Variants in ARHGEF33 observed in about 807,000 individuals in gnomAD.
ARHGEF33 encodes Rho guanine nucleotide exchange factor 33, also known as DH and coiled-coil domain-containing protein ENSP00000381780.
In ARHGEF33, 72 loss-of-function variants were observed where a neutral mutation model predicts 101.9. That is an observed-to-expected ratio of 0.71 (90% confidence interval 0.58 to 0.86). The LOEUF (loss-of-function observed/expected upper bound fraction) is 0.86. Among genes scored for constraint, ARHGEF33 ranks in the 40% least tolerant of loss-of-function variants. The pLI is 0.00. For synonymous variants in ARHGEF33, 499 were observed against 442.5 expected (o/e 1.13, Z -1.60); for missense variants, 1,169 against 1,111.3 (o/e 1.05, Z -0.74).
intron 2 of ARHGEF33, among the ~76,000 whole-genome samples, chr2:38,918,275 T>G (rs1414954491): frequency 2.0e-5 from 3 of 152,230 alleles, no homozygotes; most frequent in Admixed American, 6.5e-5. Flanking sequence ...CACTGCTGTC[T>G]TAGAAGGTAG....
At chr2:38,907,936 G>A (rs1666427910) in intron 2 of ARHGEF33, among the ~76,000 whole-genome samples, 3 of 149,122 alleles carry the variant, frequency 2.0e-5, no homozygotes, top group African/African-American at 5.0e-5. Context: ...ATGACTCACT[G>A]CAGCCTTGAC....
chr2:38,941,967 G>A (rs1667320805), intron 9 of ARHGEF33, among the ~76,000 whole-genome samples: 1 of 150,888 alleles, frequency 6.6e-6, no homozygotes, highest in Non-Finnish European at 1.5e-5. Context: ...ATTTTGCTGG[G>A]CACAAGGGTC....
chr2:38,902,134 GAAAAAAA>G (rs1156887244), intron 2 of ARHGEF33, among the ~76,000 whole-genome samples: 130 of 58,480 alleles, frequency 2.2e-3, no homozygotes, highest in African/African-American at 7.5e-3. Context: ...TCCATCTCAA[GAAAAAAA>G]AAAAAAAAAA....
intron 2 of ARHGEF33, among the ~76,000 whole-genome samples, chr2:38,917,280 C>T (rs1572746444): frequency 1.3e-5 from 2 of 151,428 alleles, no homozygotes; most frequent in South Asian, 2.1e-4. Flanking sequence ...TTAGTAAAGA[C>T]GGGGTTTCAC....
rs1328879625 is a variant in ARHGEF33, at chr2:38,960,402, C to A, written c.2097C>A (p.His699Gln). 6.6e-7 allele frequency: 1 copy of A among 1,511,024 alleles called. No homozygotes were observed. Among genetic ancestry groups the A allele is most frequent in the East Asian group, 2.5e-5 (1 of 40,066 alleles). The allele number at this position is 1,511,024 out of a possible 1,614,324, so 93.6% of individuals were successfully genotyped here. A position where few individuals can be genotyped will look rare whatever the true frequency, so the allele number is the denominator to read the frequency against. Residue 699 changes from histidine (H) to glutamine (Q), a missense_variant, in exon 16 of 18, where the codon CAC (histidine) becomes CAA (glutamine). His to Gln is a conservative substitution (Grantham distance 24). Transcript: ENST00000409978. ...AACTGGAGGCGGCGGCGCAGGCGCA[C>A]GGCAAGGCCAAGCCGCTGAGCCGCT... Reference protein sequence around the residue: ...AYKLEAAAQAHGKAKPLSRSL... With the variant: ...AYKLEAAAQAQGKAKPLSRSL...
At chr2:38,946,162 A>G (rs1667445264) in intron 10 of ARHGEF33, among the ~76,000 whole-genome samples, 3 of 152,210 alleles carry the variant, frequency 2.0e-5, no homozygotes, top group East Asian at 1.9e-4. Context: ...GCAAGCCTCC[A>G]GCAGGCGGGA....
At chr2:38,918,361 A>G (rs1373953553) in intron 2 of ARHGEF33, among the ~76,000 whole-genome samples, 2 of 152,206 alleles carry the variant, frequency 1.3e-5, no homozygotes, top group South Asian at 4.1e-4. Context: ...CATCTGAGTG[A>G]TATGTCCCAG....
In ARHGEF33 at chr2:38,966,130, A is replaced by C. The variant is rs1158123317; in HGVS notation, c.2468A>C (p.Lys823Thr). 1 of 1,551,532 alleles carries C rather than the reference A, an allele frequency of 6.4e-7. No individual in the cohort carries two copies. The highest frequency in any genetic ancestry group is 8.7e-7 in the Non-Finnish European group (1 of 1,146,982). The change falls in exon 17 of 18, where the codon AAG (lysine) becomes ACG (threonine). Residue 823 changes from lysine to threonine, a missense_variant. Lys to Thr is a moderately conservative substitution (Grantham distance 78). Transcript: ENST00000409978. Reference protein sequence around the residue: ...QKGGFRSSFRKLFKKKSSGSE... With the variant: ...QKGGFRSSFRTLFKKKSSGSE... Reference sequence around the variant, plus strand: ...GGGGGCTTTCGCAGCTCCTTCCGCAAGCTCTTTAAAAAGAAGTGAGTAGCC... The same window carrying C: ...GGGGGCTTTCGCAGCTCCTTCCGCACGCTCTTTAAAAAGAAGTGAGTAGCC...
intron 2 of ARHGEF33, among the ~76,000 whole-genome samples, chr2:38,900,203 A>T (rs1236130175): frequency 6.6e-6 from 1 of 152,174 alleles, no homozygotes; most frequent in Non-Finnish European, 1.5e-5. Flanking sequence ...CTCTAAAAAT[A>T]AATAAGTAAA....
At chr2:38,898,442 C>T (rs1666167674) in intron 2 of ARHGEF33, among the ~76,000 whole-genome samples, 1 of 152,240 alleles carries the variant, frequency 6.6e-6, no homozygotes, top group Admixed American at 6.5e-5. Context: ...GTCATGCCCT[C>T]TGCTGTCTTC....
At chr2:38,904,367 A>G (rs1026875214) in intron 2 of ARHGEF33, among the ~76,000 whole-genome samples, 1 of 152,168 alleles carries the variant, frequency 6.6e-6, no homozygotes, top group Admixed American at 6.5e-5. Context: ...GGGGCAGGCC[A>G]GGGACATTGT....
chr2:38,943,891 G>A lies in ARHGEF33; in HGVS notation c.791-10G>A. On this transcript the variant is annotated splice_polypyrimidine_tract_variant and intron_variant, in intron 9 of 17. Coordinates refer to ENST00000409978, the MANE Select transcript of ARHGEF33 (RefSeq NM_001145451.5). Reference sequence around the variant, plus strand: ...GTTAATATCAAGTCCTCTTTGGTTTGTTTCTAAAGCTAAAAGACAGACTGT... The same window carrying A: ...GTTAATATCAAGTCCTCTTTGGTTTATTTCTAAAGCTAAAAGACAGACTGT... The A allele has an allele frequency of 6.4e-7, 1 of 1,550,520 alleles. No individual in the cohort carries two copies. Among genetic ancestry groups the A allele is most frequent in the Non-Finnish European group, 8.7e-7 (1 of 1,146,712 alleles).
At position 38,953,150 on chromosome 2, in the gene ARHGEF33, T is replaced by A; in HGVS notation, c.1054-12T>A. The A allele has an allele frequency of 7.3e-7, 1 of 1,361,398 alleles. No homozygotes were observed. Among genetic ancestry groups the A allele is most frequent in the Non-Finnish European group, 1.0e-6 (1 of 973,228 alleles). The allele number at this position is 1,361,398 out of a possible 1,614,324, so 84.3% of individuals were successfully genotyped here. ...CAGGTTCTTACCATGCATTTTTGTG[T>A]TTGTTTTAAAGAATAATTTCTTGGA... is the stretch of plus-strand genomic sequence containing the variant. On this transcript the variant is annotated splice_polypyrimidine_tract_variant and intron_variant, in intron 11 of 17. Coordinates refer to ENST00000409978, the MANE Select transcript of ARHGEF33 (RefSeq NM_001145451.5).
At chr2:38,956,735 G>A (rs969194721) in intron 13 of ARHGEF33, among the ~76,000 whole-genome samples, 164 bp from the exon 14 acceptor site, 8 of 152,218 alleles carry the variant, frequency 5.3e-5, no homozygotes, top group African/African-American at 9.6e-5. Flanking sequence ...AGAGCAGCCA[G>A]TTTGACCTTT....
intron 2 of ARHGEF33, among the ~76,000 whole-genome samples, chr2:38,916,428 T>C (rs541559628): frequency 3.9e-5 from 6 of 152,358 alleles, no homozygotes; most frequent in African/African-American, 1.2e-4. Context: ...CATTCTGTGA[T>C]TTAATTATAT....
intron 11 of ARHGEF33, 122 bp downstream of exon 11, chr2:38,951,243 TCTAA>T (rs1432347982): frequency 1.1e-5 from 10 of 908,088 alleles, no homozygotes; most frequent in South Asian, 8.9e-5. Flanking sequence ...TGAGATCTAG[TCTAA>T]CTTTCTCATT....
intron 2 of ARHGEF33, among the ~76,000 whole-genome samples, chr2:38,908,490 A>G (rs2124984212): frequency 6.6e-6 from 1 of 152,278 alleles, no homozygotes; most frequent in Non-Finnish European, 1.5e-5. Flanking sequence ...GTGTGACAGC[A>G]TGCTGATGTT....
At chr2:38,918,877 C>CAAAAAAAAAAA (rs1181241601) in intron 2 of ARHGEF33, among the ~76,000 whole-genome samples, 1 of 51,268 alleles carries the variant, frequency 2.0e-5, no homozygotes, top group African/African-American at 5.1e-5. Flanking sequence ...CCCATCTCTA[C>CAAAAAAAAAAA]AAAAAAAAAA....
At chr2:38,917,558 A>C (rs935714312) in intron 2 of ARHGEF33, among the ~76,000 whole-genome samples, 1 of 152,146 alleles carries the variant, frequency 6.6e-6, no homozygotes, top group Non-Finnish European at 1.5e-5. Flanking sequence ...GGCCAGGCAT[A>C]GTGGCTCATG....
Sources: allele counts gnomAD v4.1 joint callset (sites outside exome capture counted in the v4.1 genomes callset), GRCh38; gene constraint gnomAD v4.1.1; transcripts MANE v1.5; gene names NCBI Gene and HGNC (gene_info 2026-07-23, HGNC 2026-07-21).